Variants in EFCAB6 observed in about 807,000 individuals in gnomAD.
The protein encoded by EFCAB6 is EF-hand calcium-binding domain-containing protein 6.
In EFCAB6, 156 loss-of-function variants were observed where a neutral mutation model predicts 169.8. That is an observed-to-expected ratio of 0.92 (90% CI 0.81 to 1.05). EFCAB6 has a LOEUF of 1.05. Ranked by LOEUF, EFCAB6 falls within the 50% of genes least tolerant of loss-of-function variation. EFCAB6 has a pLI of 0.00. For missense variants in EFCAB6, 1,800 were observed against 1,829.1 expected (o/e 0.98, Z 0.29); for synonymous variants, 698 against 676.4 (o/e 1.03, Z -0.50).
chr22:43,728,943 C>G (rs551819436), intron 8 of EFCAB6, among the ~76,000 whole-genome samples: 1 of 152,326 alleles, frequency 6.6e-6, no homozygotes, highest in Admixed American at 6.5e-5. Context: ...TTGGCTTTCA[C>G]TGCAATTGCA....
At chr22:43,743,994 G>A (rs922353493) in intron 6 of EFCAB6, among the ~76,000 whole-genome samples, 1 of 82,336 alleles carries the variant, frequency 1.2e-5, no homozygotes, top group African/African-American at 3.2e-5. Context: ...TAGGTAAATG[G>A]ATGAATGAAT....
intron 23 of EFCAB6, among the ~76,000 whole-genome samples, chr22:43,596,611 A>T (rs2052029676): frequency 6.6e-6 from 1 of 152,154 alleles, no homozygotes; most frequent in Admixed American, 6.5e-5. Flanking sequence ...ACACAAACAA[A>T]AATGAAATGA....
At chr22:43,573,041 A>C (rs1448854500) in intron 26 of EFCAB6, among the ~76,000 whole-genome samples, 2 of 152,216 alleles carry the variant, frequency 1.3e-5, no homozygotes, top group East Asian at 3.9e-4. Context: ...GGGACCCCGG[A>C]GGTGAGGCCA....
At chr22:43,534,643 C>T (rs985594898) in intron 30 of EFCAB6, 45 bp downstream of exon 30, 1 of 1,539,748 alleles carries the variant, frequency 6.5e-7, no homozygotes, top group African/African-American at 1.4e-5. Context: ...AATGAAAGCG[C>T]CCCTTTCCAC....
intron 10 of EFCAB6, among the ~76,000 whole-genome samples, chr22:43,703,661 A>T (rs930342729): frequency 2.0e-5 from 3 of 152,058 alleles, no homozygotes; most frequent in African/African-American, 7.2e-5. Flanking sequence ...AATAGAAACA[A>T]TTTTTTTAAA....
chr22:43,702,620 C>G (rs529313016), intron 10 of EFCAB6, among the ~76,000 whole-genome samples: 1 of 152,122 alleles, frequency 6.6e-6, no homozygotes, highest in Non-Finnish European at 1.5e-5. Flanking sequence ...TCCCATCTCA[C>G]CTCAAAGGCA....
intron 6 of EFCAB6, among the ~76,000 whole-genome samples, chr22:43,741,685 A>T (rs559126757): frequency 1.3e-3 from 205 of 152,308 alleles, no homozygotes; most frequent in Non-Finnish European, 2.2e-3. Flanking sequence ...CCATAAGTAT[A>T]CATGCAGAGT....
At chr22:43,640,338 G>A (rs546193593) in intron 17 of EFCAB6, among the ~76,000 whole-genome samples, 2 of 152,084 alleles carry the variant, frequency 1.3e-5, no homozygotes, top group Admixed American at 6.5e-5. Context: ...TCATGTGTTC[G>A]AGCAGGCAGT....
intron 2 of EFCAB6, among the ~76,000 whole-genome samples, chr22:43,798,717 T>C (rs1488201873): frequency 6.6e-6 from 1 of 152,168 alleles, no homozygotes; most frequent in Non-Finnish European, 1.5e-5. Flanking sequence ...AATGAACGCA[T>C]GAGTGGATTT....
At chr22:43,806,647 G>A (rs748234091) in intron 2 of EFCAB6, among the ~76,000 whole-genome samples, 12 of 152,152 alleles carry the variant, frequency 7.9e-5, no homozygotes, top group Non-Finnish European at 1.3e-4. Flanking sequence ...GGCATGCTAC[G>A]TTCTTACCCA....
chr22:43,711,761 T>G, intron 9 of EFCAB6, 138 bp from the exon 10 acceptor site: 1 of 998,908 alleles, frequency 1.0e-6, no homozygotes, highest in African/African-American at 1.7e-5. Context: ...TGGCATGTAC[T>G]GAACTTCAAA....
At chr22:43,794,543 A>G (rs1353635445) in intron 2 of EFCAB6, among the ~76,000 whole-genome samples, 1 of 152,346 alleles carries the variant, frequency 6.6e-6, no homozygotes, top group East Asian at 1.9e-4. Context: ...TAAACAGATA[A>G]GAGTAATGAA....
intron 10 of EFCAB6, among the ~76,000 whole-genome samples, chr22:43,710,872 A>G (rs1193694137): frequency 6.6e-6 from 1 of 152,192 alleles, no homozygotes; most frequent in African/African-American, 2.4e-5. Context: ...GAGATAGGGA[A>G]ACATGTAAAA....
In EFCAB6 at chr22:43,531,225, A is replaced by G. The variant is rs899546218; in HGVS notation, c.4234-261T>C. ...TACACCTCCCCACTGGCAACCCGGA[A>G]AGAAGGCAGGTCTCTATCCCCACTT... is the stretch of plus-strand genomic sequence containing the variant. On this transcript the variant is annotated intron_variant, in intron 30 of 31. Coordinates refer to ENST00000262726, the MANE Select transcript of EFCAB6 (RefSeq NM_022785.4). Among the ~76,000 whole-genome samples the G allele has an allele frequency of 5.3e-5, 8 of 152,318 alleles. No individual in the cohort carries two copies. The East Asian group carries it at 1.5e-3, about 29-fold the overall frequency.
rs540088247 is a variant in EFCAB6 at position 43,559,409 on chromosome 22, T to C, written c.3421-4313A>G. Among the ~76,000 whole-genome samples, 6 of 152,162 alleles carry C rather than the reference T, an allele frequency of 3.9e-5. No individual in the cohort carries two copies. The South Asian group carries it at 1.0e-3, about 26-fold the overall frequency. ...AGAAATAGGAATGCTTTTACACTGA[T>C]GGTGGGAGTATAAATTAGTTCAACC... On this transcript the variant is annotated intron_variant, in intron 26 of 31. Coordinates refer to ENST00000262726, the MANE Select transcript of EFCAB6 (RefSeq NM_022785.4).
intron 24 of EFCAB6, among the ~76,000 whole-genome samples, chr22:43,587,774 T>C (rs1055467733): frequency 6.6e-6 from 1 of 152,196 alleles, no homozygotes; most frequent in African/African-American, 2.4e-5. Flanking sequence ...ACTGTATATC[T>C]TTGGGAGGGA....
intron 20 of EFCAB6, among the ~76,000 whole-genome samples, chr22:43,623,596 T>C (rs2054256457): frequency 6.6e-6 from 1 of 151,934 alleles, no homozygotes; most frequent in Non-Finnish European, 1.5e-5. Context: ...GGAAGACTTT[T>C]AGAAAGGGGT....
At chr22:43,620,271 C>A (rs1340744140) in intron 20 of EFCAB6, among the ~76,000 whole-genome samples, 1 of 151,698 alleles carries the variant, frequency 6.6e-6, no homozygotes, top group African/African-American at 2.4e-5. Flanking sequence ...ATCGCACCAC[C>A]ACGCTCCAGT....
At chr22:43,640,270 T>C (rs1487726748) in intron 17 of EFCAB6, among the ~76,000 whole-genome samples, 2 of 152,216 alleles carry the variant, frequency 1.3e-5, no homozygotes, top group Non-Finnish European at 2.9e-5. Flanking sequence ...ATGTTTTATG[T>C]CTACATATGT....
Sources: allele counts gnomAD v4.1 joint callset (sites outside exome capture counted in the v4.1 genomes callset), GRCh38; gene constraint gnomAD v4.1.1; transcripts MANE v1.5; gene names NCBI Gene and HGNC (gene_info 2026-07-23, HGNC 2026-07-21).